SLC35D1: variants seen among roughly 807,000 people sequenced by gnomAD.
The protein encoded by SLC35D1 is solute carrier family 35 member D1.
A neutral mutation model predicts 46.7 loss-of-function variants in SLC35D1; 31 were observed. The observed-to-expected ratio is 0.66, with a 90% CI of 0.50 to 0.90. SLC35D1 has a LOEUF of 0.90. SLC35D1 is among the 40% of genes least tolerant of loss of function. The probability of loss-of-function intolerance (pLI) is 0.00; values close to 1 mark genes in which losing one functional copy is unlikely to be tolerated. For synonymous variants in SLC35D1, 195 were observed against 164.6 expected, an observed-to-expected ratio of 1.18 and a Z score of -1.41; for missense variants, 397 against 426.2, an observed-to-expected ratio of 0.93 and a Z score of 0.60.
At chr1:67,050,691 T>C (rs1558168163) in intron 4 of SLC35D1, among the ~76,000 whole-genome samples, 187 bp from the exon 5 acceptor site, 1 of 152,170 alleles carries the variant, frequency 6.6e-6, no homozygotes, top group Non-Finnish European at 1.5e-5. Flanking sequence ...ACAGTTGCTT[T>C]TAAAAAACTA....
intron 8 of SLC35D1, among the ~76,000 whole-genome samples, chr1:67,023,560 A>G (rs1301789676): frequency 6.7e-6 from 1 of 148,462 alleles, no homozygotes; most frequent in Non-Finnish European, 1.5e-5. Flanking sequence ...ATCTCAGCTC[A>G]CTACAACCTC....
intron 8 of SLC35D1, among the ~76,000 whole-genome samples, chr1:67,041,647 A>C (rs1570638222): frequency 6.6e-6 from 1 of 152,292 alleles, no homozygotes; most frequent in East Asian, 1.9e-4. Flanking sequence ...TTTAAAGAAA[A>C]ATTCTTCTCC....
the SLC35D1 span, among the ~76,000 whole-genome samples, chr1:66,992,580 C>T: frequency 2.6e-5 from 4 of 152,344 alleles, no homozygotes; most frequent in South Asian, 8.3e-4. Flanking sequence ...TTGACAATGT[C>T]GGATGCCTGT....
At chr1:67,013,908 T>A (rs1667627527) in intron 10 of SLC35D1, among the ~76,000 whole-genome samples, 1 of 152,356 alleles carries the variant, frequency 6.6e-6, no homozygotes, top group East Asian at 1.9e-4. Flanking sequence ...TGTATCAAAG[T>A]ACACTATACA....
At chr1:67,051,358 T>C (rs1325372246) in intron 4 of SLC35D1, among the ~76,000 whole-genome samples, 2 of 152,230 alleles carry the variant, frequency 1.3e-5, no homozygotes, top group East Asian at 3.8e-4. Context: ...TGTTAAATGT[T>C]TTCTCTATTT....
chr1:67,035,949 C>A (rs1668115167), intron 8 of SLC35D1, among the ~76,000 whole-genome samples: 1 of 151,904 alleles, frequency 6.6e-6, no homozygotes, highest in Admixed American at 6.6e-5. Context: ...TCTTCATTAA[C>A]CCATTTGTCA....
intron 10 of SLC35D1, among the ~76,000 whole-genome samples, chr1:67,018,978 T>A (rs1223173385): frequency 6.6e-6 from 1 of 151,990 alleles, no homozygotes; most frequent in Non-Finnish European, 1.5e-5. Flanking sequence ...CCCTGTGGAG[T>A]TTGTAAGTAA....
the SLC35D1 span, among the ~76,000 whole-genome samples, chr1:66,973,530 CAT>C: frequency 3.3e-5 from 5 of 152,090 alleles, no homozygotes; most frequent in East Asian, 1.9e-4. Context: ...TTTTATTTAA[CAT>C]AATCATTTAT....
intron 2 of SLC35D1, 46 bp downstream of exon 2, chr1:67,052,910 A>T: frequency 6.2e-7 from 1 of 1,614,110 alleles, no homozygotes; most frequent in Non-Finnish European, 8.5e-7. Flanking sequence ...ACACACACAG[A>T]AGTTCTAACA....
chr1:67,015,494 A>G (rs1667666826), intron 10 of SLC35D1, among the ~76,000 whole-genome samples: 2 of 126,720 alleles, frequency 1.6e-5, no homozygotes, highest in East Asian at 5.5e-4. Flanking sequence ...GGTTCAAGCA[A>G]TTCTTCTGCC....
intron 9 of SLC35D1, among the ~76,000 whole-genome samples, chr1:67,020,992 C>T (rs1667786279): frequency 6.6e-6 from 1 of 152,156 alleles, no homozygotes; most frequent in Non-Finnish European, 1.5e-5. Context: ...TATTTTGAAG[C>T]ACCTGCTCAC....
At chr1:67,048,935 G>C (rs1247009619) in intron 6 of SLC35D1, among the ~76,000 whole-genome samples, 3 of 152,180 alleles carry the variant, frequency 2.0e-5, no homozygotes. Flanking sequence ...GCAAGCAAAT[G>C]TTTCATAGTC....
At chr1:67,026,345 G>C (rs1435825442) in intron 8 of SLC35D1, among the ~76,000 whole-genome samples, 1 of 152,126 alleles carries the variant, frequency 6.6e-6, no homozygotes, top group Non-Finnish European at 1.5e-5. Context: ...CTTAATTCCT[G>C]AGATAAACAC....
At chr1:67,039,493 TTG>T (rs71801070) in intron 8 of SLC35D1, among the ~76,000 whole-genome samples, 6,638 of 148,710 alleles carry the variant, frequency 0.045, 169 homozygotes, top group Non-Finnish European at 0.054. Flanking sequence ...AGTGAAAAAA[TTG>T]TGTGTGTGTG....
At chr1:67,032,633 A>G (rs1668040702) in intron 8 of SLC35D1, among the ~76,000 whole-genome samples, 1 of 152,178 alleles carries the variant, frequency 6.6e-6, no homozygotes, top group South Asian at 2.1e-4. Context: ...GTGAGCCGAG[A>G]TCGCACCATT....
chr1:66,997,559 ATCTGTGTGTG>A (rs1667254294), downstream of SLC35D1, among the ~76,000 whole-genome samples: 47 of 134,278 alleles, frequency 3.5e-4, no homozygotes, highest in African/African-American at 1.2e-3. Context: ...ATATAGATAT[ATCTGTGTGTG>A]TATATATATA....
chr1:66,974,780 G>T, the SLC35D1 span, among the ~76,000 whole-genome samples: 1 of 152,236 alleles, frequency 6.6e-6, no homozygotes, highest in East Asian at 1.9e-4. Context: ...AAAGGGAGAC[G>T]AGTACTCTAG....
intron 8 of SLC35D1, among the ~76,000 whole-genome samples, chr1:67,025,388 A>G (rs6588234): frequency 0.19 from 29,555 of 152,142 alleles, 5,333 homozygotes; most frequent in African/African-American, 0.49. Flanking sequence ...ATGATTGCCC[A>G]CATGGTATAT....
Position 67,054,079 on chromosome 1 carries a change from C to T in SLC35D1, c.-66G>A. 2 of 1,519,502 alleles carry T rather than the reference C, an allele frequency of 1.3e-6. No homozygotes were observed. The highest frequency in any genetic ancestry group is 1.8e-5 in the Admixed American group (1 of 56,608). 94.1% of individuals were successfully genotyped at this position (1,519,502 alleles called of 1,614,324 possible). ...GCTCGGGGGCCTGCAGCGGCAGCTC[C>T]CAGGGGACTCCAGGAGTTGGGGACC... is the stretch of plus-strand genomic sequence containing the variant. On this transcript the variant is annotated 5_prime_UTR_variant, in exon 1 of 12. Transcript: ENST00000235345.
Sources: gnomAD v4.1 joint callset for allele counts (sites outside exome capture counted in the v4.1 genomes callset) on GRCh38, gnomAD v4.1.1 for gene constraint, MANE v1.5 for transcripts, NCBI Gene and HGNC (gene_info 2026-07-23, HGNC 2026-07-21) for gene names.